The following KLF13 variants were observed in gnomAD, a reference collection of about 807,000 sequenced individuals.
KLF13 encodes Krueppel-like factor 13.
In KLF13, 8 loss-of-function variants were observed where a neutral mutation model predicts 16.7. The ratio of observed to expected loss-of-function variants is 0.48; its 90% CI spans 0.28 to 0.87. The LOEUF is 0.87. Among genes scored for constraint, KLF13 ranks in the 40% least tolerant of loss-of-function variants. The pLI is 0.10. For synonymous variants in KLF13, 245 were observed against 208.4 expected (o/e 1.18, Z -1.51); for missense variants, 447 against 452.2 (o/e 0.99, Z 0.10).
At position 31,423,101 on chromosome 15, in the gene KLF13, G is replaced by GTATATGTA. The variant is rs1188647731; in HGVS notation, n.118-12265_118-12264insTGTATATA. On this transcript the variant is annotated intron_variant and non_coding_transcript_variant, in intron 1 of 1. Coordinates refer to the KLF13 transcript ENST00000558225. ...ATTACATATATATACGTATATATAC[G>GTATATGTA]TATACGTATACGTATATATACGTAT... Among the ~76,000 whole-genome samples, 7 of 77,070 alleles carry GTATATGTA rather than the reference G, an allele frequency of 9.1e-5. No individual in the cohort carries two copies. In the Admixed American group the frequency reaches 1.0e-3, roughly 11 times the overall value. The allele number at this position is 77,070 out of a possible 152,430, so 50.6% of individuals were successfully genotyped here.
At chr15:31,348,211 A>C (rs1204146979) in intron 1 of KLF13, among the ~76,000 whole-genome samples, 2 of 152,198 alleles carry the variant, frequency 1.3e-5, no homozygotes, top group African/African-American at 2.4e-5. Context: ...CACTCTTGTC[A>C]GGATGACTGT....
At chr15:31,430,239 A>G (rs985080718) in intron 1 of KLF13, among the ~76,000 whole-genome samples, 1 of 152,188 alleles carries the variant, frequency 6.6e-6, no homozygotes, top group Admixed American at 6.5e-5. Context: ...TTTGCAGTAC[A>G]TACACCCAGC....
intron 1 of KLF13, among the ~76,000 whole-genome samples, chr15:31,338,602 C>A (rs1056133198): frequency 2.0e-5 from 3 of 152,168 alleles, no homozygotes; most frequent in Non-Finnish European, 4.4e-5. Flanking sequence ...CAGAACCAGC[C>A]TTCAGGATGG....
intron 1 of KLF13, among the ~76,000 whole-genome samples, chr15:31,344,089 C>T (rs953321982): frequency 3.3e-5 from 5 of 152,166 alleles, no homozygotes; most frequent in African/African-American, 1.2e-4. Context: ...TTTCCAACCC[C>T]CTGGGACAAA....
intron 1 of KLF13, among the ~76,000 whole-genome samples, chr15:31,354,520 A>G (rs2039269071): frequency 6.6e-6 from 1 of 152,170 alleles, no homozygotes; most frequent in African/African-American, 2.4e-5. Flanking sequence ...AGCTGGGATT[A>G]CAGGCACCCA....
At chr15:31,329,367 C>T (rs960261598) in intron 1 of KLF13, among the ~76,000 whole-genome samples, 1 of 151,674 alleles carries the variant, frequency 6.6e-6, no homozygotes, top group Middle Eastern at 3.4e-3. Context: ...GGTTGAGATC[C>T]GCTTTGGGGG....
intron 1 of KLF13, among the ~76,000 whole-genome samples, chr15:31,340,589 T>C (rs2039005962): frequency 6.6e-6 from 1 of 152,264 alleles, no homozygotes; most frequent in Admixed American, 6.5e-5. Context: ...AATATACTTT[T>C]TTAGTGTTTA....
intron 1 of KLF13, chr15:31,420,184 A>G: frequency 8.8e-6 from 5 of 565,758 alleles, no homozygotes; most frequent in South Asian, 7.5e-5. Flanking sequence ...CCCATAAAAG[A>G]GCCGAGCTGA....
At chr15:31,334,802 T>G (rs1280008840) in intron 1 of KLF13, among the ~76,000 whole-genome samples, 1 of 152,190 alleles carries the variant, frequency 6.6e-6, no homozygotes, top group African/African-American at 2.4e-5. Flanking sequence ...GGGAATAAAC[T>G]TTTCTCCAGC....
intron 1 of KLF13, among the ~76,000 whole-genome samples, chr15:31,359,072 C>A (rs1443949771): frequency 6.6e-6 from 1 of 152,196 alleles, no homozygotes; most frequent in Non-Finnish European, 1.5e-5. Context: ...TCTCATGAGT[C>A]CACAGGTAGC....
chr15:31,327,320 G>A lies in KLF13; in HGVS notation c.108G>A (p.Glu36=). 1 of 1,282,206 alleles carries A rather than the reference G, an allele frequency of 7.8e-7. No individual in the cohort carries two copies. The highest frequency in any genetic ancestry group is 9.8e-7 in the Non-Finnish European group (1 of 1,018,574). The allele number at this position is 1,282,206 out of a possible 1,614,324, so 79.4% of individuals were successfully genotyped here. The change falls in exon 1 of 2, where the codon GAG becomes GAA. Residue 36 remains glutamate (E), a synonymous_variant. Transcript: ENST00000307145. ...GPREGPESRP[E]GAAVAATPTL... is the part of the protein sequence containing the mutation. ...GGGAGGGGCCGGAGTCCCGGCCCGAGGGCGCGGCCGTGGCCGCCACCCCCA... is the reference window on the plus strand; with the variant it reads ...GGGAGGGGCCGGAGTCCCGGCCCGAAGGCGCGGCCGTGGCCGCCACCCCCA...
At chr15:31,386,908 C>A (rs2039802084) in intron 1 of KLF13, among the ~76,000 whole-genome samples, 1 of 152,192 alleles carries the variant, frequency 6.6e-6, no homozygotes, top group Non-Finnish European at 1.5e-5. Flanking sequence ...CTATTTACAG[C>A]ATGGTTTACT....
At chr15:31,356,133 G>A (rs1460870809) in intron 1 of KLF13, among the ~76,000 whole-genome samples, 1 of 152,176 alleles carries the variant, frequency 6.6e-6, no homozygotes, top group Non-Finnish European at 1.5e-5. Context: ...TCACCCAGGT[G>A]ATAAACATAG....
downstream of KLF13, among the ~76,000 whole-genome samples, chr15:31,378,490 T>G (rs1287924524): frequency 6.6e-6 from 1 of 152,178 alleles, no homozygotes; most frequent in African/African-American, 2.4e-5. Context: ...TAACTGCCCC[T>G]GGCTGTCCCC....
intron 1 of KLF13, among the ~76,000 whole-genome samples, chr15:31,361,889 C>T (rs1210480043): frequency 6.6e-6 from 1 of 150,402 alleles, no homozygotes; most frequent in Non-Finnish European, 1.5e-5. Context: ...CTTTCCCTAC[C>T]CACCACGTGC....
chr15:31,328,852 C>T (rs2038773157), intron 1 of KLF13, among the ~76,000 whole-genome samples: 1 of 151,126 alleles, frequency 6.6e-6, no homozygotes, highest in Admixed American at 6.6e-5. Context: ...CACGTGAGTT[C>T]TTCTGTGACA....
chr15:31,362,918 G>A (rs542058853), intron 1 of KLF13, among the ~76,000 whole-genome samples: 35 of 152,266 alleles, frequency 2.3e-4, no homozygotes, highest in South Asian at 1.7e-3. Flanking sequence ...TTATATGTGC[G>A]TTCCATAATT....
At chr15:31,420,537 G>C in intron 1 of KLF13, 2 of 548,898 alleles carry the variant, frequency 3.6e-6, no homozygotes, top group Non-Finnish European at 6.9e-6. Flanking sequence ...TCCATCCAGA[G>C]CCTGCTAGGA....
Position 31,375,117 on chromosome 15 carries a change from C to T in KLF13, c.*2818C>T, listed in dbSNP as rs150265280. 6.6e-6 allele frequency: 1 copy of T among 152,594 alleles called. No individual in the cohort carries two copies. The highest frequency in any genetic ancestry group is 1.5e-5 in the Non-Finnish European group (1 of 68,016). 9.5% of individuals were successfully genotyped at this position (152,594 alleles called of 1,614,324 possible). On this transcript the variant is annotated 3_prime_UTR_variant, in exon 2 of 2. Transcript: ENST00000307145. Reference sequence around the variant, plus strand: ...GGTAGGGCACCAGGAGAGAAATCCTCCTGGGTACTCCTGGCCAGACCCTCC... The same window carrying T: ...GGTAGGGCACCAGGAGAGAAATCCTTCTGGGTACTCCTGGCCAGACCCTCC...
Sources: allele counts gnomAD v4.1 joint callset (sites outside exome capture counted in the v4.1 genomes callset), GRCh38; gene constraint gnomAD v4.1.1; transcripts MANE v1.5; gene names NCBI Gene and HGNC (gene_info 2026-07-23, HGNC 2026-07-21).